METTL16: variants seen among roughly 807,000 people sequenced by gnomAD.
The protein encoded by METTL16 is methyltransferase 16, RNA N6-adenosine, also known as RNA N(6)-adenosine-methyltransferase METTL16.
Under a neutral mutation model 57.9 loss-of-function variants are expected in METTL16, and 19 were observed. That is an observed-to-expected ratio of 0.33 (90% CI 0.23 to 0.48). The LOEUF is 0.48. Among genes scored for constraint, METTL16 ranks in the 20% least tolerant of loss-of-function variants. METTL16 has a pLI of 0.99. For synonymous variants in METTL16, 246 were observed against 255.6 expected (o/e 0.96, Z 0.36); for missense variants, 434 against 691.5 (o/e 0.63, Z 4.18).
intron 8 of METTL16, among the ~76,000 whole-genome samples, chr17:2,428,496 C>G (rs2066836632): frequency 8.0e-6 from 1 of 124,672 alleles, no homozygotes; most frequent in African/African-American, 3.1e-5. Context: ...CCATTGCACT[C>G]CAGCCCAGGC....
intron 2 of METTL16, 100 bp from the exon 3 acceptor site, chr17:2,477,985 C>A: frequency 1.1e-6 from 1 of 912,844 alleles, no homozygotes; most frequent in Non-Finnish European, 1.7e-6. Flanking sequence ...ATCCGAACCT[C>A]CCAGGGAGAT....
At chr17:2,504,529 G>A (rs1444184775) in intron 1 of METTL16, among the ~76,000 whole-genome samples, 1 of 152,078 alleles carries the variant, frequency 6.6e-6, no homozygotes. Context: ...AAGGATATTA[G>A]TTAGAGGTTA....
chr17:2,447,709 G>T (rs1164708450), intron 6 of METTL16, among the ~76,000 whole-genome samples: 1 of 146,184 alleles, frequency 6.8e-6, no homozygotes, highest in African/African-American at 2.6e-5. Context: ...GGGGGAGGGG[G>T]GGTCAGCCCC....
intron 8 of METTL16, among the ~76,000 whole-genome samples, chr17:2,429,170 T>A (rs1035512663): frequency 6.7e-6 from 1 of 148,180 alleles, no homozygotes; most frequent in African/African-American, 2.5e-5. Context: ...CTCATTATTT[T>A]TAAAACTGAT....
rs1438456183 is a variant in METTL16, at chr17:2,511,849, G to C, written c.-91C>G. ...AAGCAGCCGCATAGCGAAGCTCCTA[G>C]AAACGCAGATGATACGCTCCCAGCG... On this transcript the variant is annotated 5_prime_UTR_variant, in exon 1 of 10. Transcript: ENST00000263092. 2.5e-6 allele frequency: 1 copy of C among 398,542 alleles called. No individual in the cohort carries two copies. Among genetic ancestry groups the C allele is most frequent in the Non-Finnish European group, 4.4e-6 (1 of 226,132 alleles). 24.7% of individuals were successfully genotyped at this position (398,542 alleles called of 1,614,324 possible). A position where few individuals can be genotyped will look rare whatever the true frequency, so the allele number is the denominator to read the frequency against.
Position 2,417,087 on chromosome 17 carries a change from A to ATTTTTT in METTL16, c.*2882_*2883insAAAAAA, listed in dbSNP as rs1567876454. ...TTTTTTTTTTTTTTTTTTTTTTTTGAGACAGTCCCACTTTGTCGCCCAGGC... is the reference window on the plus strand; with the variant it reads ...TTTTTTTTTTTTTTTTTTTTTTTTGATTTTTTGACAGTCCCACTTTGTCGCCCAGGC... On this transcript the variant is annotated 3_prime_UTR_variant, in exon 10 of 10. Transcript: ENST00000263092. 13 of 11,368 alleles carry ATTTTTT rather than the reference A, an allele frequency of 1.1e-3. No homozygotes were observed. Among genetic ancestry groups the ATTTTTT allele is most frequent in the African/African-American group, 3.5e-3 (12 of 3,392 alleles). The allele number at this position is 11,368 out of a possible 1,614,324, so 0.7% of individuals were successfully genotyped here. A position where few individuals can be genotyped will look rare whatever the true frequency, so the allele number is the denominator to read the frequency against.
Position 2,489,126 on chromosome 17 carries a change from T to A in METTL16, c.129-11241A>T, listed in dbSNP as rs552469462. ...ACTTTTCATTCTTTTTTTTTTATTT[T>A]TTTTTATTTTTTGTAGAGAAGGGGT... On this transcript the variant is annotated intron_variant, in intron 2 of 9. Coordinates refer to ENST00000263092, the MANE Select transcript of METTL16 (RefSeq NM_024086.4). 2.0e-3 allele frequency among the ~76,000 whole-genome samples: 311 copies of A among 152,142 alleles called. 2 individuals are homozygous for A. The highest frequency in any genetic ancestry group is 3.5e-3 in the Non-Finnish European group (237 of 67,990).
At chr17:2,428,971 G>A (rs944883370) in intron 8 of METTL16, among the ~76,000 whole-genome samples, 9 of 152,018 alleles carry the variant, frequency 5.9e-5, no homozygotes, top group Non-Finnish European at 1.0e-4. Flanking sequence ...TGATTCTCCC[G>A]CCTCAGCCTC....
intron 1 of METTL16, among the ~76,000 whole-genome samples, chr17:2,507,835 CTGTGCTCTCTGAAATA>C (rs1448995323): frequency 6.6e-6 from 1 of 152,204 alleles, no homozygotes; most frequent in Admixed American, 6.5e-5. Context: ...ACCCCCAACC[CTGTGCTCTCTGAAATA>C]TGTGCTGTGT....
At chr17:2,465,379 T>G (rs1567895386) in intron 5 of METTL16, among the ~76,000 whole-genome samples, 3 of 148,798 alleles carry the variant, frequency 2.0e-5, no homozygotes, top group Non-Finnish European at 4.5e-5. Context: ...CCATCTCTAC[T>G]AAAAAAAAAT....
chr17:2,448,766 T>A (rs1234942221), intron 6 of METTL16, among the ~76,000 whole-genome samples: 181 of 36,640 alleles, frequency 4.9e-3, no homozygotes, highest in Middle Eastern at 0.019. Flanking sequence ...ATAAAAAAAA[T>A]AAAAAATAAA....
chr17:2,477,532 CATTTCGG>C, intron 3 of METTL16, 147 bp downstream of exon 3: 1 of 629,318 alleles, frequency 1.6e-6, no homozygotes, highest in Non-Finnish European at 2.8e-6. Context: ...GATTTTGAAG[CATTTCGG>C]ATTTTCGGAT....
At chr17:2,492,770 A>G (rs1012533798) in intron 2 of METTL16, among the ~76,000 whole-genome samples, 16 of 151,554 alleles carry the variant, frequency 1.1e-4, no homozygotes, top group Admixed American at 7.9e-4. Flanking sequence ...GGTGGTTGGC[A>G]CCTATAATCC....
intron 1 of METTL16, among the ~76,000 whole-genome samples, chr17:2,507,219 C>A (rs1306727219): frequency 6.7e-6 from 1 of 149,764 alleles, no homozygotes; most frequent in African/African-American, 2.5e-5. Context: ...AGCCCCCCGC[C>A]CGGCCAGCCG....
intron 6 of METTL16, among the ~76,000 whole-genome samples, chr17:2,448,812 A>T (rs1326343022): frequency 9.9e-5 from 14 of 141,486 alleles, no homozygotes; most frequent in African/African-American, 3.7e-4. Context: ...TAAAAAAAAA[A>T]AAAAAAAAAA....
chr17:2,441,681 AAAAATATC>A, intron 6 of METTL16, 122 bp from the exon 7 acceptor site: 1 of 518,496 alleles, frequency 1.9e-6, no homozygotes, highest in Non-Finnish European at 3.2e-6. Flanking sequence ...GTCACAAGTG[AAAAATATC>A]AGGAATTACA....
intron 2 of METTL16, among the ~76,000 whole-genome samples, chr17:2,488,329 G>C (rs1169001290): frequency 1.3e-5 from 2 of 152,178 alleles, no homozygotes; most frequent in East Asian, 3.8e-4. Flanking sequence ...GGCTGAGGTG[G>C]GCAGATCACC....
At chr17:2,427,036 G>A (rs1290585867) in intron 8 of METTL16, among the ~76,000 whole-genome samples, 1 of 151,746 alleles carries the variant, frequency 6.6e-6, no homozygotes, top group South Asian at 2.1e-4. Flanking sequence ...CCAGCTGCTC[G>A]GAAGACTGAG....
Position 2,420,618 on chromosome 17 carries a change from T to C in METTL16, c.1063-22A>G. On this transcript the variant is annotated intron_variant, in intron 9 of 9. Coordinates refer to ENST00000263092, the MANE Select transcript of METTL16 (RefSeq NM_024086.4). This position sits in a 1 kb window ranked among gnomAD's most constrained non-coding sequence, Gnocchi z 5.4. ...GGACCTGTTTGGAGGAAAAACAGAA[T>C]TTTGTGGGAAATCACGTTTCCCCTC... 2 of 1,575,432 alleles carry C rather than the reference T, an allele frequency of 1.3e-6. No homozygotes were observed. Among genetic ancestry groups the C allele is most frequent in the South Asian group, 1.2e-5 (1 of 85,002 alleles).
Sources: allele counts gnomAD v4.1 joint callset (sites outside exome capture counted in the v4.1 genomes callset), GRCh38; gene constraint gnomAD v4.1.1; non-coding constraint Gnocchi (gnomAD v3.1); transcripts MANE v1.5; gene names NCBI Gene and HGNC (gene_info 2026-07-23, HGNC 2026-07-21).